Variants in DST observed in about 807,000 individuals in gnomAD.
DST encodes bullous pemphigoid antigen.
DST carries 253 observed loss-of-function variants against 875.2 expected under a neutral mutation model. The ratio of observed to expected loss-of-function variants is 0.29; its 90% CI spans 0.26 to 0.32. The LOEUF (loss-of-function observed/expected upper bound fraction) is 0.32. DST is among the 10% of genes least tolerant of loss of function. The pLI, the probability that DST is intolerant of heterozygous loss-of-function variation, is 1.00. For missense variants in DST, 8,287 were observed against 9,111.6 expected, an observed-to-expected ratio of 0.91 and a Z score of 3.68; for synonymous variants, 3,124 against 3,197.1, an observed-to-expected ratio of 0.98 and a Z score of 0.77.
chr6:56,896,681 C>T (rs771280298), intron 3 of DST, among the ~76,000 whole-genome samples: 28 of 152,150 alleles, frequency 1.8e-4, no homozygotes, highest in African/African-American at 2.9e-4. Flanking sequence ...TATCACCTTG[C>T]GGTTTTGATT....
chr6:56,671,481 C>T (rs1432255883), intron 9 of DST, among the ~76,000 whole-genome samples: 1 of 152,170 alleles, frequency 6.6e-6, no homozygotes, highest in Non-Finnish European at 1.5e-5. Flanking sequence ...AACCTGAAAC[C>T]TTTATCAACT....
chr6:56,880,790 T>G (rs577700374), intron 3 of DST, among the ~76,000 whole-genome samples: 1 of 151,412 alleles, frequency 6.6e-6, no homozygotes, highest in Admixed American at 6.6e-5. Context: ...AAACATTGAT[T>G]AATGAAATAC....
chr6:56,662,960 A>G (rs2099052831), intron 10 of DST, among the ~76,000 whole-genome samples: 1 of 152,130 alleles, frequency 6.6e-6, no homozygotes, highest in Non-Finnish European at 1.5e-5. Context: ...AAACAAAACA[A>G]AACAGAACAA....
At chr6:56,843,077 C>T (rs751426634) in intron 4 of DST, 5 of 1,556,752 alleles carry the variant, frequency 3.2e-6, no homozygotes, top group Non-Finnish European at 4.4e-6. Flanking sequence ...CCAGGACATC[C>T]TCGTAGGCCT....
At chr6:56,820,334 C>T (rs1344612309) in intron 4 of DST, among the ~76,000 whole-genome samples, 1 of 152,208 alleles carries the variant, frequency 6.6e-6, no homozygotes, top group Non-Finnish European at 1.5e-5. Flanking sequence ...CTAGAGCCAA[C>T]TCATAACAAC....
intron 2 of DST, among the ~76,000 whole-genome samples, chr6:56,920,923 T>TTTTTTTTTTTTC (rs59362783): frequency 7.1e-6 from 1 of 141,326 alleles, no homozygotes. Flanking sequence ...TTTTTTTTTT[T>TTTTTTTTTTTTC]CACAGAGACA....
intron 80 of DST, among the ~76,000 whole-genome samples, chr6:56,499,897 A>G (rs1044470469): frequency 2.0e-5 from 3 of 152,162 alleles, no homozygotes; most frequent in Non-Finnish European, 4.4e-5. Context: ...ACCAGTCATT[A>G]GGGCTTTAAG....
intron 2 of DST, among the ~76,000 whole-genome samples, chr6:56,910,569 CCA>C (rs1798414689): frequency 6.6e-6 from 1 of 152,144 alleles, no homozygotes; most frequent in African/African-American, 2.4e-5. Context: ...ACTGCAACCT[CCA>C]CCACCTGGGT....
In DST at chr6:56,720,765, C is replaced by T. The variant is rs1047668644; in HGVS notation, c.687+14463G>A. Among the ~76,000 whole-genome samples, 16 of 152,306 alleles carry T rather than the reference C, an allele frequency of 1.1e-4. 1 individual carries two copies. In the South Asian group the frequency reaches 3.3e-3, roughly 32 times the overall value. ...CTATGTCTACTACTTTCCACACAGA[C>T]ACAGTAACAATGTGATCTCTCTTTC... On this transcript the variant is annotated intron_variant, in intron 5 of 103. Transcript: ENST00000680361.
intron 3 of DST, among the ~76,000 whole-genome samples, chr6:56,859,399 C>CT (rs558597053): frequency 2.0e-5 from 3 of 151,878 alleles, no homozygotes; most frequent in South Asian, 2.1e-4. Flanking sequence ...TTTCAGACAT[C>CT]TTTTTTTTGC....
chr6:56,604,068 C>T lies in DST; in HGVS notation c.10560G>A (p.Glu3520=). The change falls in exon 40 of 104, where the codon GAG becomes GAA. Residue 3520 remains glutamate, a synonymous_variant. Coordinates refer to ENST00000680361, the MANE Select transcript of DST (RefSeq NM_001374736.1). ...DFNQKACSTS[E]MMEEKPHILG... is the part of the protein sequence containing the mutation. ...GAATATGTGGCTTTTCTTCCATCAT[C>T]TCAGATGTAGAACATGCTTTTTGAT... is the stretch of plus-strand genomic sequence containing the variant. 6.3e-7 allele frequency: 1 copy of T among 1,583,504 alleles called. No individual in the cohort carries two copies. The highest frequency in any genetic ancestry group is 8.6e-7 in the Non-Finnish European group (1 of 1,162,452).
In DST at chr6:56,954,422, G is replaced by C; in HGVS notation, c.166C>G (p.Arg56Gly). The C allele has an allele frequency of 7.3e-7, 1 of 1,367,216 alleles. No homozygotes were observed. The allele number at this position is 1,367,216 out of a possible 1,614,324, so 84.7% of individuals were successfully genotyped here. A position where few individuals can be genotyped will look rare whatever the true frequency, so the allele number is the denominator to read the frequency against. ...RHPMKSVFSG[R>G]SRSRDAVLRS... ...CGTGTCTTACCTCGGCTTCTTGAAC[G>C]ACCCGAGAAGACCGATTTCATCGGA... The change falls in exon 1 of 104, where the codon CGT (arginine) becomes GGT (glycine). Residue 56 changes from arginine (R) to glycine (G), a missense_variant. Around this residue, in one of 10 missense-constraint regions of DST, gnomAD observed 1,160 missense variants for 1,424.3 expected, o/e 0.81. Transcript: ENST00000680361.
At chr6:56,690,359 C>T (rs575168887) in intron 9 of DST, among the ~76,000 whole-genome samples, 1 of 152,192 alleles carries the variant, frequency 6.6e-6, no homozygotes, top group South Asian at 2.1e-4. Flanking sequence ...ACCTACTTAT[C>T]CTAATAAAAA....
At chr6:56,600,367 A>C (rs1377565788) in intron 44 of DST, 146 bp from the exon 45 acceptor site, 1 of 707,896 alleles carries the variant, frequency 1.4e-6, no homozygotes, top group Non-Finnish European at 2.3e-6. Flanking sequence ...GTAGGGTACA[A>C]ACTGAGCAAG....
chr6:56,894,534 ACCC>A (rs1282382056), intron 3 of DST, among the ~76,000 whole-genome samples: 1 of 32,952 alleles, frequency 3.0e-5, no homozygotes, highest in African/African-American at 2.1e-4. Flanking sequence ...CGGGGGGCTG[ACCC>A]CCCCCACCTC....
intron 3 of DST, chr6:56,871,680 G>C (rs1280683082): frequency 1.4e-6 from 1 of 695,734 alleles, no homozygotes; most frequent in South Asian, 1.4e-5. Flanking sequence ...AGAAGAGGGG[G>C]TTGCCTAGAA....
intron 4 of DST, among the ~76,000 whole-genome samples, chr6:56,845,884 C>A (rs907000398): frequency 1.3e-5 from 2 of 152,132 alleles, no homozygotes; most frequent in Non-Finnish European, 2.9e-5. Context: ...AGCCTTTACC[C>A]CATGCATTCT....
intron 3 of DST, among the ~76,000 whole-genome samples, chr6:56,893,562 CTTTTTT>C (rs1282483681): frequency 2.8e-5 from 1 of 35,910 alleles, no homozygotes; most frequent in Non-Finnish European, 5.1e-5. Flanking sequence ...ACTTTTAGTT[CTTTTTT>C]TTTTTTTTTT....
intron 4 of DST, among the ~76,000 whole-genome samples, chr6:56,756,257 C>A (rs1401800081): frequency 6.6e-6 from 1 of 151,930 alleles, no homozygotes; most frequent in African/African-American, 2.4e-5. Context: ...GGCTGGGACA[C>A]CTCCCAGAGG....
Sources: allele counts gnomAD v4.1 joint callset (sites outside exome capture counted in the v4.1 genomes callset), GRCh38; gene constraint gnomAD v4.1.1; regional missense constraint gnomAD v4.1.1; transcripts MANE v1.5; gene names NCBI Gene and HGNC (gene_info 2026-07-23, HGNC 2026-07-21).